The following LTN1 variants were observed in gnomAD, a reference collection of about 807,000 sequenced individuals.
The protein encoded by LTN1 is E3 ubiquitin-protein ligase listerin.
In LTN1, 88 loss-of-function variants were observed where a neutral mutation model predicts 201.2. The observed-to-expected ratio is 0.44, with a 90% CI of 0.37 to 0.52. The LOEUF (loss-of-function observed/expected upper bound fraction) is 0.52. Among genes scored for constraint, LTN1 ranks in the 20% least tolerant of loss-of-function variants. LTN1 has a pLI of 0.00. For missense variants in LTN1, 1,752 were observed against 2,038.7 expected (o/e 0.86, Z 2.71); for synonymous variants, 645 against 713.5 (o/e 0.90, Z 1.53).
Position 28,986,645 on chromosome 21 carries a change from T to C in LTN1, c.246+86A>G. 9.5e-7 allele frequency: 1 copy of C among 1,047,516 alleles called. No individual in the cohort carries two copies. The highest frequency in any genetic ancestry group is 1.4e-6 in the Non-Finnish European group (1 of 702,950). The allele number at this position is 1,047,516 out of a possible 1,614,324, so 64.9% of individuals were successfully genotyped here. ...AAAGAACTTAGCAATAAATTGTTCA[T>C]TTTTCTTTACATAAAACATGCTAAT... On this transcript the variant is annotated intron_variant, in intron 2 of 29. Coordinates refer to ENST00000361371, the MANE Select transcript of LTN1 (RefSeq NM_015565.3). The surrounding 1 kb of genome is among the most constrained non-coding windows in gnomAD (Gnocchi z 4.1).
intron 6 of LTN1, among the ~76,000 whole-genome samples, chr21:28,979,907 G>A (rs2084645393): frequency 6.6e-6 from 1 of 152,150 alleles, no homozygotes; most frequent in Non-Finnish European, 1.5e-5. Flanking sequence ...AGGAGGCAGA[G>A]GTTGCAGTGA....
chr21:28,944,575 A>G lies in LTN1; in HGVS notation c.3790T>C (p.Leu1264=). 1 of 1,613,360 alleles carries G rather than the reference A, an allele frequency of 6.2e-7. No homozygotes were observed. Among genetic ancestry groups the G allele is most frequent in the Non-Finnish European group, 8.5e-7 (1 of 1,179,516 alleles). ...AGTTGCACAAGTGGAATAGAATACAATGCCTGATTCTCACTTGTTGTCTGA... is the reference window on the plus strand; with the variant it reads ...AGTTGCACAAGTGGAATAGAATACAGTGCCTGATTCTCACTTGTTGTCTGA... ...WLETTSENQA[L]YSIPLVQLFA... Residue 1264 remains leucine, a synonymous_variant, in exon 22 of 30, where the codon TTG becomes CTG. Transcript: ENST00000361371.
chr21:28,933,365 A>G (rs1056218666), intron 27 of LTN1, among the ~76,000 whole-genome samples: 1 of 152,124 alleles, frequency 6.6e-6, no homozygotes, highest in Non-Finnish European at 1.5e-5. Context: ...TCTACCATTC[A>G]TTTGAATCCA....
chr21:28,959,357 A>C (rs1423279405), intron 13 of LTN1, 101 bp downstream of exon 13: 1 of 1,413,916 alleles, frequency 7.1e-7, no homozygotes, highest in Non-Finnish European at 9.6e-7. Context: ...TTAAACTTTC[A>C]AACACATTAT....
intron 4 of LTN1, among the ~76,000 whole-genome samples, chr21:28,983,967 C>A (rs2084677710): frequency 6.6e-6 from 1 of 152,130 alleles, no homozygotes; most frequent in Non-Finnish European, 1.5e-5. Context: ...CTGAAAGCCA[C>A]AAACAGGTAT....
intron 6 of LTN1, among the ~76,000 whole-genome samples, chr21:28,977,258 C>A (rs1470690703): frequency 1.3e-5 from 2 of 151,594 alleles, no homozygotes; most frequent in Non-Finnish European, 2.9e-5. Context: ...CCTGTAATCC[C>A]AGCTACTCGA....
chr21:28,955,218 A>T (rs558842148), intron 16 of LTN1, among the ~76,000 whole-genome samples: 24 of 152,264 alleles, frequency 1.6e-4, no homozygotes, highest in South Asian at 6.2e-4. Flanking sequence ...TTGTAATCGC[A>T]GCACTTTGGG....
rs756102073 is a variant in LTN1, at chr21:28,986,691, G to A, written c.246+40C>T. ...CTAATGACATTTTATTTTAACAAAGGGATTTTCTTGATAATTTTTATGAAA... is the reference window on the plus strand; with the variant it reads ...CTAATGACATTTTATTTTAACAAAGAGATTTTCTTGATAATTTTTATGAAA... On this transcript the variant is annotated intron_variant, in intron 2 of 29. Transcript: ENST00000361371. This position sits in a 1 kb window ranked among gnomAD's most constrained non-coding sequence, Gnocchi z 4.1. The A allele has an allele frequency of 1.4e-6, 2 of 1,435,522 alleles. No individual in the cohort carries two copies. Among genetic ancestry groups the A allele is most frequent in the Admixed American group, 1.7e-5 (1 of 57,360 alleles). 88.9% of individuals were successfully genotyped at this position (1,435,522 alleles called of 1,614,324 possible).
chr21:28,960,208 A>C (rs1374138626), intron 12 of LTN1, among the ~76,000 whole-genome samples: 1 of 152,058 alleles, frequency 6.6e-6, no homozygotes, highest in Non-Finnish European at 1.5e-5. Context: ...CTCTACTAAA[A>C]ATATAAAATT....
chr21:28,931,014 G>T, intron 29 of LTN1, 141 bp downstream of exon 29: 1 of 542,170 alleles, frequency 1.8e-6, no homozygotes, highest in Non-Finnish European at 3.2e-6. Context: ...TCTCCCATTA[G>T]CTACAATTAA....
At chr21:28,942,585 T>C (rs1444962135) in intron 24 of LTN1, among the ~76,000 whole-genome samples, 1 of 152,160 alleles carries the variant, frequency 6.6e-6, no homozygotes, top group Non-Finnish European at 1.5e-5. Flanking sequence ...ATACATTAAG[T>C]GGTAACTACT....
chr21:28,984,450 A>C (rs941570183), intron 4 of LTN1, among the ~76,000 whole-genome samples: 1 of 152,122 alleles, frequency 6.6e-6, no homozygotes, highest in Non-Finnish European at 1.5e-5. Context: ...AAAATATAAT[A>C]AAGACTTCAA....
chr21:28,963,161 T>C (rs1270278189), intron 11 of LTN1, among the ~76,000 whole-genome samples: 2 of 152,208 alleles, frequency 1.3e-5, no homozygotes, highest in African/African-American at 2.4e-5. Flanking sequence ...AGATCAATAA[T>C]GAAGGTGGCT....
intron 18 of LTN1, among the ~76,000 whole-genome samples, chr21:28,951,548 G>A (rs2084382707): frequency 6.6e-6 from 1 of 151,742 alleles, no homozygotes; most frequent in Non-Finnish European, 1.5e-5. Flanking sequence ...AAGGGCAAAA[G>A]AAAAGATTTC....
intron 6 of LTN1, among the ~76,000 whole-genome samples, chr21:28,972,550 A>G (rs1191235806): frequency 6.6e-6 from 1 of 152,228 alleles, no homozygotes; most frequent in African/African-American, 2.4e-5. Context: ...GAATGGACTA[A>G]GACAGCTGGA....
Position 28,928,520 on chromosome 21 carries a change from T to C in LTN1, c.*1928A>G, listed in dbSNP as rs529394084. The stretch of plus-strand genomic sequence containing the variant: ...TAAGCTAAAATTTTAAGGGCTGTAA[T>C]CCTTTTAGTTAGAGTTGTCAACGCT... On this transcript the variant is annotated 3_prime_UTR_variant, in exon 30 of 30. Coordinates refer to ENST00000361371, the MANE Select transcript of LTN1 (RefSeq NM_015565.3). The C allele has an allele frequency of 3.7e-4, 57 of 152,256 alleles. No individual in the cohort carries two copies. The highest frequency in any genetic ancestry group is 1.3e-3 in the African/African-American group (52 of 41,550). 9.4% of individuals were successfully genotyped at this position (152,256 alleles called of 1,614,324 possible). A position where few individuals can be genotyped will look rare whatever the true frequency, so the allele number is the denominator to read the frequency against.
At chr21:28,970,438 A>T in intron 8 of LTN1, 114 bp downstream of exon 8, 3 of 730,210 alleles carry the variant, frequency 4.1e-6, no homozygotes, top group Non-Finnish European at 6.8e-6. Context: ...TGAAAACTTT[A>T]AAAGTATTTA....
chr21:28,951,460 T>C (rs1349691640), intron 18 of LTN1, among the ~76,000 whole-genome samples: 1 of 152,108 alleles, frequency 6.6e-6, no homozygotes, highest in Non-Finnish European at 1.5e-5. Context: ...TTCAATAGGA[T>C]GATGTTATTT....
At chr21:28,984,671 C>G in intron 4 of LTN1, 21 bp downstream of exon 4, 2 of 1,555,790 alleles carry the variant, frequency 1.3e-6, no homozygotes, top group South Asian at 2.3e-5. Context: ...AAAATAGATT[C>G]AGAATGATTC....
Sources: gnomAD v4.1 joint callset for allele counts (sites outside exome capture counted in the v4.1 genomes callset) on GRCh38, gnomAD v4.1.1 for gene constraint, Gnocchi (gnomAD v3.1) non-coding constraint, MANE v1.5 for transcripts, NCBI Gene and HGNC (gene_info 2026-07-23, HGNC 2026-07-21) for gene names.